The following COX7A2 variants were observed in gnomAD, a reference collection of about 807,000 sequenced individuals.
COX7A2 encodes the protein cytochrome c oxidase subunit 7A2, also known as cytochrome c oxidase subunit 7A2, mitochondrial.
In COX7A2, 11 loss-of-function variants were observed where a neutral mutation model predicts 11.6. The ratio of observed to expected loss-of-function variants is 0.95; its 90% CI spans 0.60 to 1.57. COX7A2 has a LOEUF of 1.57. Ranked by LOEUF, COX7A2 falls within the 40% of genes most tolerant of loss-of-function variation. The pLI, the probability that COX7A2 is intolerant of heterozygous loss-of-function variation, is 0.00. For synonymous variants in COX7A2, 30 were observed against 38.2 expected (o/e 0.78, Z 0.79); for missense variants, 106 against 100.9 (o/e 1.05, Z -0.22).
upstream of COX7A2, among the ~76,000 whole-genome samples, chr6:75,244,979 T>G (rs1562374947): frequency 2.0e-5 from 3 of 152,092 alleles, no homozygotes; most frequent in Admixed American, 6.5e-5. Flanking sequence ...AGCTAGGGCG[T>G]GGGGGTTTTT....
upstream of COX7A2, chr6:75,243,865 C>T (rs757700502): frequency 7.5e-6 from 12 of 1,591,266 alleles, no homozygotes; most frequent in Admixed American, 1.9e-4. Context: ...CGAAGAGAGG[C>T]TTGCGCTCCT....
exon 1 of COX7A2, chr6:75,250,237 A>G (rs1413700660): frequency 6.6e-6 from 1 of 152,220 alleles, no homozygotes; most frequent in East Asian, 1.9e-4. Flanking sequence ...TTAATAATGA[A>G]AAATCTAGAG....
intron 3 of COX7A2, among the ~76,000 whole-genome samples, chr6:75,239,842 C>T (rs1006619962): frequency 1.3e-5 from 2 of 152,178 alleles, no homozygotes; most frequent in African/African-American, 4.8e-5. Context: ...TGGCTCATGC[C>T]TGTAATCCCA....
intron 1 of COX7A2, 133 bp from the exon 2 acceptor site, chr6:75,241,398 T>A (rs1771496873): frequency 2.9e-6 from 2 of 686,638 alleles, no homozygotes; most frequent in African/African-American, 3.6e-5. Context: ...AGCAAAGTCA[T>A]GCAAGAGCAT....
At chr6:75,238,474 G>A (rs564622677) in intron 3 of COX7A2, among the ~76,000 whole-genome samples, 3 of 151,922 alleles carry the variant, frequency 2.0e-5, no homozygotes, top group African/African-American at 4.8e-5. Context: ...TTGGGAGGCC[G>A]AGGCGGGCGG....
chr6:75,240,432 A>T, intron 2 of COX7A2, 47 bp from the exon 3 acceptor site: 2 of 1,324,168 alleles, frequency 1.5e-6, no homozygotes, highest in Non-Finnish European at 2.1e-6. Context: ...TGTCTCACTC[A>T]TTTCCAACTA....
At chr6:75,248,853 T>C (rs117231557) in intron 1 of COX7A2, among the ~76,000 whole-genome samples, 4 of 152,324 alleles carry the variant, frequency 2.6e-5, no homozygotes, top group East Asian at 3.9e-4. Flanking sequence ...AGGAATATCA[T>C]ACATAACAGT....
intron 1 of COX7A2, among the ~76,000 whole-genome samples, chr6:75,249,320 AT>A (rs1395675162): frequency 6.6e-6 from 1 of 152,228 alleles, no homozygotes; most frequent in African/African-American, 2.4e-5. Flanking sequence ...CAAGAACATG[AT>A]TAACAATCTG....
At position 75,237,910 on chromosome 6, in the gene COX7A2, G is replaced by A. The variant is rs75996601; in HGVS notation, c.*20C>T. ...AGAGCTGAATGAAACTGAACCAAGC[G>A]ATTGCTGGGATGACTGAAGTCACTC... On this transcript the variant is annotated 3_prime_UTR_variant, in exon 4 of 4. Transcript: ENST00000684430. 42,264 of 1,598,864 alleles carry A rather than the reference G, an allele frequency of 0.026. 657 individuals are homozygous for A. The highest frequency in any genetic ancestry group is 0.031 in the Non-Finnish European group (36,694 of 1,167,956).
rs755390767 is a variant in COX7A2, at chr6:75,243,726, C to A, written c.9G>T (p.Arg3=). ML[R]NLLALRQIGQ... ...ATGAGAAGCTCCTCACCAGCAGATT[C>A]CGCAGCATCTTGGCTGTTACTGACC... Residue 3 remains arginine (R), a synonymous_variant, in exon 1 of 4, where the codon CGG becomes CGT. Transcript: ENST00000684430. The A allele has an allele frequency of 1.9e-6, 3 of 1,613,842 alleles. No homozygotes were observed. The highest frequency in any genetic ancestry group is 4.5e-5 in the East Asian group (2 of 44,874).
chr6:75,246,662 A>G (rs780942846), upstream of COX7A2, among the ~76,000 whole-genome samples: 1 of 152,238 alleles, frequency 6.6e-6, no homozygotes, highest in Non-Finnish European at 1.5e-5. Context: ...TAAATGAATG[A>G]ACTGTATCCT....
chr6:75,243,709 C>G lies in COX7A2; in HGVS notation c.18+8G>C, dbSNP rs183317681. The G allele has an allele frequency of 6.2e-7, 1 of 1,613,180 alleles. No individual in the cohort carries two copies. Among genetic ancestry groups the G allele is most frequent in the Non-Finnish European group, 8.5e-7 (1 of 1,179,262 alleles). Reference sequence around the variant, plus strand: ...CCCATCATGAATGCAAGATGAGAAGCTCCTCACCAGCAGATTCCGCAGCAT... The same window carrying G: ...CCCATCATGAATGCAAGATGAGAAGGTCCTCACCAGCAGATTCCGCAGCAT... On this transcript the variant is annotated splice_region_variant and intron_variant, in intron 1 of 3. Coordinates refer to ENST00000684430, the MANE Select transcript of COX7A2 (RefSeq NM_001366293.2).
In COX7A2 at chr6:75,240,316, T is replaced by C; in HGVS notation, c.178A>G (p.Ile60Val). The C allele has an allele frequency of 6.2e-7, 1 of 1,609,900 alleles. No individual in the cohort carries two copies. Among genetic ancestry groups the C allele is most frequent in the Non-Finnish European group, 8.5e-7 (1 of 1,178,176 alleles). Residue 60 changes from isoleucine to valine, a missense_variant, in exon 3 of 4, where the codon ATT (isoleucine) becomes GTT (valine). Coordinates refer to ENST00000684430, the MANE Select transcript of COX7A2 (RefSeq NM_001366293.2). ...ADALLYRATMILTVGGTAYAI... is the reference protein window; with the variant it reads ...ADALLYRATMVLTVGGTAYAI... ...AAGGCCTTACCACCAACTGTAAGAA[T>C]CATGGTGGCTCTATACAGGAGGGCA...
exon 1 of COX7A2, chr6:75,250,279 TAGAGA>T (rs1771760963): frequency 6.6e-6 from 1 of 152,182 alleles, no homozygotes. Flanking sequence ...CAAGAAAAGA[TAGAGA>T]AGTCAGTCAG....
chr6:75,240,244 A>G, intron 3 of COX7A2, 57 bp downstream of exon 3: 2 of 1,271,744 alleles, frequency 1.6e-6, no homozygotes, highest in South Asian at 2.5e-5. Context: ...CAATAAAGTT[A>G]TCAGTTATCA....
At chr6:75,242,762 T>C (rs1017344596) in intron 1 of COX7A2, among the ~76,000 whole-genome samples, 1 of 151,844 alleles carries the variant, frequency 6.6e-6, no homozygotes, top group Non-Finnish European at 1.5e-5. Flanking sequence ...GAAATTGCAG[T>C]GAGCCGAGAT....
chr6:75,244,039 T>C (rs1771624478), upstream of COX7A2: 1 of 491,742 alleles, frequency 2.0e-6, no homozygotes, highest in Admixed American at 3.3e-5. Flanking sequence ...ATGAGACGAA[T>C]GTAATAAGCT....
Position 75,241,598 on chromosome 6 carries a change from T to C in COX7A2, c.19-333A>G, listed in dbSNP as rs185373974. On this transcript the variant is annotated intron_variant, in intron 1 of 3. Transcript: ENST00000684430. ...TATTGACATACACATATTACAAAAATAGTGCTTAACCAAAATACACCAAAC... is the reference window on the plus strand; with the variant it reads ...TATTGACATACACATATTACAAAAACAGTGCTTAACCAAAATACACCAAAC... Among the ~76,000 whole-genome samples the C allele has an allele frequency of 1.2e-4, 18 of 152,268 alleles. No homozygotes were observed. The East Asian group carries it at 2.3e-3, about 20-fold the overall frequency.
At chr6:75,242,830 T>A (rs1025975725) in intron 1 of COX7A2, among the ~76,000 whole-genome samples, 204 of 5,556 alleles carry the variant, frequency 0.037, no homozygotes, top group African/African-American at 0.048. Context: ...AAAAAAAAAA[T>A]AAAATAAAAT....
Sources: allele counts gnomAD v4.1 joint callset (sites outside exome capture counted in the v4.1 genomes callset), GRCh38; gene constraint gnomAD v4.1.1; transcripts MANE v1.5; gene names NCBI Gene and HGNC (gene_info 2026-07-23, HGNC 2026-07-21).